SUGT1: variants seen among roughly 807,000 people sequenced by gnomAD.
SUGT1 encodes protein SGT1 homolog.
In SUGT1, 15 loss-of-function variants were observed where a neutral mutation model predicts 56.1. That is an observed-to-expected ratio of 0.27 (90% CI 0.18 to 0.41). SUGT1 has a LOEUF of 0.41. Among genes scored for constraint, SUGT1 ranks in the 10% least tolerant of loss-of-function variants. SUGT1 has a pLI of 1.00. For synonymous variants in SUGT1, 123 were observed against 128.6 expected (o/e 0.96, Z 0.30); for missense variants, 347 against 382.2 (o/e 0.91, Z 0.77).
chr13:52,684,808 A>G lies in SUGT1; in HGVS notation c.901-2926A>G, dbSNP rs573360271. On this transcript the variant is annotated intron_variant, in intron 12 of 12. Transcript: ENST00000310528. ...CTCCCAAAGTGCTGAGATTACAGGC[A>G]TGAGCCACCACGCCTGGCCTGTTGT... is the stretch of plus-strand genomic sequence containing the variant. 2.6e-5 allele frequency among the ~76,000 whole-genome samples: 4 copies of G among 151,934 alleles called. No individual in the cohort carries two copies. The South Asian group carries it at 8.3e-4, about 32-fold the overall frequency.
rs1964034460 is a variant in SUGT1, at chr13:52,699,848, C to G, written c.*12013C>G. On this transcript the variant is annotated 3_prime_UTR_variant, in exon 13 of 13. Transcript: ENST00000310528. ...TCCTGTTTTTTTAAAAAAGTAATTT[C>G]AAGTAAGTTTGCAAATGCAATGCTA... 6.6e-6 allele frequency: 1 copy of G among 152,124 alleles called. No individual in the cohort carries two copies. The highest frequency in any genetic ancestry group is 6.5e-5 in the Admixed American group (1 of 15,272). 9.4% of individuals were successfully genotyped at this position (152,124 alleles called of 1,614,324 possible).
At chr13:52,661,381 C>T (rs553142521) in intron 5 of SUGT1, 11 of 182,602 alleles carry the variant, frequency 6.0e-5, no homozygotes, top group African/African-American at 2.2e-4. Context: ...AGTTCTCTGT[C>T]TCTCAAGTTC....
At chr13:52,671,739 T>A (rs1282639824) in intron 10 of SUGT1, among the ~76,000 whole-genome samples, 1 of 152,210 alleles carries the variant, frequency 6.6e-6, no homozygotes, top group East Asian at 1.9e-4. Flanking sequence ...CAGGGCCTAC[T>A]GTTCTCATTT....
intron 11 of SUGT1, among the ~76,000 whole-genome samples, chr13:52,676,893 T>C (rs1963166592): frequency 6.6e-6 from 1 of 152,148 alleles, no homozygotes; most frequent in Non-Finnish European, 1.5e-5. Context: ...AAACAGAACT[T>C]TGTGTTGAGG....
At chr13:52,670,180 A>T (rs1389650461) in intron 10 of SUGT1, among the ~76,000 whole-genome samples, 1 of 152,022 alleles carries the variant, frequency 6.6e-6, no homozygotes, top group East Asian at 1.9e-4. Context: ...TATTTATTTG[A>T]GTGATATGTA....
intron 10 of SUGT1, among the ~76,000 whole-genome samples, chr13:52,670,340 A>C (rs1409117066): frequency 6.6e-6 from 1 of 152,192 alleles, no homozygotes; most frequent in Non-Finnish European, 1.5e-5. Context: ...TTTTTACTGA[A>C]TATCAGCTTT....
chr13:52,656,326 C>T (rs1962167242), intron 2 of SUGT1, among the ~76,000 whole-genome samples: 1 of 152,218 alleles, frequency 6.6e-6, no homozygotes. Flanking sequence ...AGTCTCTCTG[C>T]TTCTAATATG....
At chr13:52,658,310 A>G in intron 3 of SUGT1, 89 bp from the exon 4 acceptor site, 9 of 1,577,934 alleles carry the variant, frequency 5.7e-6, no homozygotes, top group Non-Finnish European at 6.0e-6. Flanking sequence ...CCAACTTGAA[A>G]ACTTAGAAAT....
chr13:52,656,020 G>A (rs759533936), intron 2 of SUGT1, among the ~76,000 whole-genome samples: 5 of 152,182 alleles, frequency 3.3e-5, no homozygotes, highest in African/African-American at 1.2e-4. Flanking sequence ...GAAAGGCCTG[G>A]TTATTATTGT....
rs1171999711 is a variant in SUGT1 at position 52,700,407 on chromosome 13, A to G, written c.*12572A>G. The G allele has an allele frequency of 6.6e-6, 1 of 152,180 alleles. No individual in the cohort carries two copies. The highest frequency in any genetic ancestry group is 1.5e-5 in the Non-Finnish European group (1 of 68,018). The allele number at this position is 152,180 out of a possible 1,614,324, so 9.4% of individuals were successfully genotyped here. A position where few individuals can be genotyped will look rare whatever the true frequency, so the allele number is the denominator to read the frequency against. On this transcript the variant is annotated 3_prime_UTR_variant, in exon 13 of 13. Transcript: ENST00000310528. ...AAAATTTGTAAATTGAATACTTTTG[A>G]ATGTAAGCAGTTGAAGTAAAACCTG...
intron 10 of SUGT1, among the ~76,000 whole-genome samples, chr13:52,673,249 T>G (rs1963010687): frequency 7.1e-5 from 1 of 14,092 alleles, no homozygotes. Context: ...TTACTTTTTT[T>G]TTTTTTGTGT....
In SUGT1 at chr13:52,692,270, C is replaced by T. The variant is rs531407987; in HGVS notation, c.*4435C>T. 1 of 152,186 alleles carries T rather than the reference C, an allele frequency of 6.6e-6. No homozygotes were observed. The highest frequency in any genetic ancestry group is 1.9e-4 in the East Asian group (1 of 5,196). 9.4% of individuals were successfully genotyped at this position (152,186 alleles called of 1,614,324 possible). A position where few individuals can be genotyped will look rare whatever the true frequency, so the allele number is the denominator to read the frequency against. On this transcript the variant is annotated 3_prime_UTR_variant, in exon 13 of 13. Coordinates refer to ENST00000310528, the MANE Select transcript of SUGT1 (RefSeq NM_006704.5). ...GCAATAGCTGGGATTTGAACCCAGGCCTATCAGACTCCATTACCCATACTT... is the reference window on the plus strand; with the variant it reads ...GCAATAGCTGGGATTTGAACCCAGGTCTATCAGACTCCATTACCCATACTT...
intron 9 of SUGT1, 41 bp from the exon 10 acceptor site, chr13:52,666,771 T>C (rs1379077024): frequency 4.5e-6 from 6 of 1,334,836 alleles, no homozygotes; most frequent in Non-Finnish European, 6.5e-6. Flanking sequence ...CCCTCCATTA[T>C]ATACATTTAC....
chr13:52,663,929 G>T (rs1326407702), intron 7 of SUGT1, 106 bp from the exon 8 acceptor site: 2 of 1,013,730 alleles, frequency 2.0e-6, no homozygotes, highest in Non-Finnish European at 3.0e-6. Context: ...CAAAATAACT[G>T]CAGTGTTGGG....
At chr13:52,660,457 TGTCA>T (rs1962390369) in intron 5 of SUGT1, among the ~76,000 whole-genome samples, 1 of 152,194 alleles carries the variant, frequency 6.6e-6, no homozygotes, top group African/African-American at 2.4e-5. Context: ...TGGTCCAAAA[TGTCA>T]GTAGTGCTGA....
chr13:52,655,070 G>A (rs1594226503), intron 2 of SUGT1, among the ~76,000 whole-genome samples: 1 of 152,344 alleles, frequency 6.6e-6, no homozygotes, highest in East Asian at 1.9e-4. Context: ...GTGCAGCCGG[G>A]CGCGGTGGCT....
intron 11 of SUGT1, 67 bp downstream of exon 11, chr13:52,676,387 T>C (rs984467478): frequency 7.8e-7 from 1 of 1,278,772 alleles, no homozygotes; most frequent in African/African-American, 1.5e-5. Flanking sequence ...TAAATAGTAA[T>C]GAACATTCTT....
intron 7 of SUGT1, 50 bp from the exon 8 acceptor site, chr13:52,663,985 C>T (rs377130940): frequency 7.0e-6 from 11 of 1,581,286 alleles, no homozygotes; most frequent in Admixed American, 1.7e-5. Context: ...GCTAAACTGA[C>T]TTGTAAAAAT....
chr13:52,681,813 A>T (rs9526976), intron 12 of SUGT1, among the ~76,000 whole-genome samples: 2 of 142,830 alleles, frequency 1.4e-5, no homozygotes, highest in Non-Finnish European at 3.0e-5. Flanking sequence ...TAGCTTGGGC[A>T]GCAAAGTGAG....
Sources: allele counts gnomAD v4.1 joint callset (sites outside exome capture counted in the v4.1 genomes callset), GRCh38; gene constraint gnomAD v4.1.1; transcripts MANE v1.5; gene names NCBI Gene and HGNC (gene_info 2026-07-23, HGNC 2026-07-21).